The following CCDC171 variants were observed in gnomAD, a reference collection of about 807,000 sequenced individuals.
CCDC171 encodes coiled-coil domain-containing protein 171.
In CCDC171, 177 loss-of-function variants were observed where a neutral mutation model predicts 168.2. That is an observed-to-expected ratio of 1.05 (90% confidence interval 0.93 to 1.19). CCDC171 has a LOEUF of 1.19. CCDC171 is among the 50% of genes most tolerant of loss of function. CCDC171 has a pLI of 0.00. For synonymous variants in CCDC171, 687 were observed against 540.8 expected (o/e 1.27, Z -3.75); for missense variants, 1,991 against 1,539.0 (o/e 1.29, Z -4.91).
chr9:15,731,337 A>G (rs1004015144), intron 16 of CCDC171, among the ~76,000 whole-genome samples: 1 of 152,186 alleles, frequency 6.6e-6, no homozygotes, highest in East Asian at 1.9e-4. Flanking sequence ...ATTACCCTAG[A>G]GTGTTCTCAT....
chr9:16,098,906 T>G, the CCDC171 span, among the ~76,000 whole-genome samples: 9 of 152,174 alleles, frequency 5.9e-5, no homozygotes, highest in Non-Finnish European at 8.8e-5. Context: ...CTAGAAAAAT[T>G]GAGACTGCTC....
At chr9:15,920,212 T>G (rs1825128588) in intron 24 of CCDC171, 58 bp from the exon 25 acceptor site, 1 of 1,087,750 alleles carries the variant, frequency 9.2e-7, no homozygotes, top group South Asian at 2.7e-5. Flanking sequence ...ATTATGGAAA[T>G]TCTCCTTTGG....
At chr9:15,778,538 C>G (rs4740626) in intron 19 of CCDC171, among the ~76,000 whole-genome samples, 1 of 147,908 alleles carries the variant, frequency 6.8e-6, no homozygotes, top group East Asian at 2.0e-4. Flanking sequence ...CCCAGCTACT[C>G]AGGAGGCTGA....
intron 7 of CCDC171, among the ~76,000 whole-genome samples, chr9:15,638,826 A>C (rs2046387949): frequency 6.6e-6 from 1 of 152,080 alleles, no homozygotes; most frequent in African/African-American, 2.4e-5. Flanking sequence ...CATAGAATCA[A>C]GGGAAAAGCA....
At chr9:15,614,370 G>C (rs1180698962) in intron 6 of CCDC171, among the ~76,000 whole-genome samples, 2 of 152,174 alleles carry the variant, frequency 1.3e-5, no homozygotes, top group African/African-American at 4.8e-5. Flanking sequence ...GATTTTTGAA[G>C]CAATCAGGAG....
Position 15,564,116 on chromosome 9 carries a change from G to A in CCDC171, c.28G>A (p.Gly10Ser). 6.2e-7 allele frequency: 1 copy of A among 1,608,558 alleles called. No homozygotes were observed. The change falls in exon 2 of 26, where the codon GGT becomes AGT. Residue 10 changes from glycine to serine, a missense_variant. Physicochemically the swap from Gly to Ser is moderately conservative, Grantham distance 56. Transcript: ENST00000380701. ...GAATTTGAATACTTCAAGTAATACT[G>A]GTGATACCCAAAGGTAAGCCTCTAG... is the stretch of plus-strand genomic sequence containing the variant. MNLNTSSNT[G>S]DTQRLKIASL...
chr9:15,910,285 CAT>C (rs1823428361), intron 24 of CCDC171, among the ~76,000 whole-genome samples: 2 of 152,106 alleles, frequency 1.3e-5, no homozygotes, highest in Non-Finnish European at 2.9e-5. Flanking sequence ...CTACAACAGA[CAT>C]ATGAATGCAT....
intron 21 of CCDC171, among the ~76,000 whole-genome samples, chr9:15,825,370 A>T (rs1335255364): frequency 1.3e-5 from 2 of 152,120 alleles, no homozygotes; most frequent in African/African-American, 2.4e-5. Context: ...TTGGATTCTC[A>T]TGAGGATCCT....
chr9:15,739,631 C>G (rs1281930395), intron 16 of CCDC171, among the ~76,000 whole-genome samples: 3 of 152,062 alleles, frequency 2.0e-5, no homozygotes, highest in Admixed American at 6.6e-5. Context: ...AATATTCAAA[C>G]TATTCCTATT....
the CCDC171 span, among the ~76,000 whole-genome samples, chr9:16,080,751 G>A: frequency 6.6e-6 from 1 of 152,162 alleles, no homozygotes; most frequent in Non-Finnish European, 1.5e-5. Context: ...CCCCTATCTA[G>A]TAGAAATACT....
chr9:15,625,666 A>G (rs1192471396), intron 7 of CCDC171, among the ~76,000 whole-genome samples: 1 of 152,036 alleles, frequency 6.6e-6, no homozygotes, highest in South Asian at 2.1e-4. Flanking sequence ...GTTCTGTTCC[A>G]TTGGTCTATA....
chr9:15,594,535 G>C (rs768410148), intron 6 of CCDC171, among the ~76,000 whole-genome samples: 1 of 152,150 alleles, frequency 6.6e-6, no homozygotes, highest in Admixed American at 6.6e-5. Context: ...ATATAGTGTA[G>C]TAATTTTTGA....
intron 8 of CCDC171, among the ~76,000 whole-genome samples, chr9:16,036,515 G>T (rs912976116): frequency 1.1e-4 from 17 of 152,278 alleles, no homozygotes; most frequent in Non-Finnish European, 2.1e-4. Context: ...GTGGTGGCAG[G>T]TGCCTGTAGT....
At chr9:15,663,016 C>G (rs1234476657) in intron 8 of CCDC171, among the ~76,000 whole-genome samples, 2 of 148,444 alleles carry the variant, frequency 1.3e-5, no homozygotes, top group East Asian at 2.0e-4. Context: ...ACAACAACAA[C>G]AACAACAAAT....
chr9:15,741,496 T>C (rs1007158824), intron 16 of CCDC171, among the ~76,000 whole-genome samples: 1 of 152,230 alleles, frequency 6.6e-6, no homozygotes, highest in Non-Finnish European at 1.5e-5. Context: ...TTCTGTTGTG[T>C]GGATATACCA....
At chr9:15,687,818 G>A (rs1447806487) in intron 10 of CCDC171, among the ~76,000 whole-genome samples, 1 of 152,122 alleles carries the variant, frequency 6.6e-6, no homozygotes, top group Non-Finnish European at 1.5e-5. Flanking sequence ...TACCAAAACT[G>A]GTTAAGAAGA....
chr9:15,944,173 G>A (rs1001890539), intron 25 of CCDC171, among the ~76,000 whole-genome samples: 2 of 151,920 alleles, frequency 1.3e-5, no homozygotes, highest in Non-Finnish European at 2.9e-5. Flanking sequence ...GAAAAGTTGG[G>A]GGATTTTCTC....
chr9:15,582,380 C>G (rs2041196944), intron 4 of CCDC171, among the ~76,000 whole-genome samples: 1 of 152,128 alleles, frequency 6.6e-6, no homozygotes, highest in Admixed American at 6.5e-5. Context: ...GGCGATTCCT[C>G]AAGGATCTAG....
intron 21 of CCDC171, among the ~76,000 whole-genome samples, chr9:15,842,080 C>A (rs2060703451): frequency 6.6e-6 from 1 of 151,668 alleles, no homozygotes; most frequent in Admixed American, 6.6e-5. Context: ...TATCTTTTTT[C>A]CCCCTGCAAG....
Sources: gnomAD v4.1 joint callset for allele counts (sites outside exome capture counted in the v4.1 genomes callset) on GRCh38, gnomAD v4.1.1 for gene constraint, MANE v1.5 for transcripts, NCBI Gene and HGNC (gene_info 2026-07-23, HGNC 2026-07-21) for gene names.